Variants in GRID2 observed in about 807,000 individuals in gnomAD.
GRID2 encodes the protein glutamate receptor ionotropic, delta-2.
In GRID2, 33 loss-of-function variants were observed where a neutral mutation model predicts 114.8. That is an observed-to-expected ratio of 0.29 (90% confidence interval 0.22 to 0.38). GRID2 has a LOEUF of 0.38. GRID2 is among the 10% of genes least tolerant of loss of function. GRID2 has a pLI of 1.00. For missense variants in GRID2, 1,184 were observed against 1,257.7 expected (o/e 0.94, Z 0.89); for synonymous variants, 505 against 449.9 (o/e 1.12, Z -1.55).
At chr4:92,519,858 G>T (rs113089192) in intron 1 of GRID2, among the ~76,000 whole-genome samples, 51 of 151,838 alleles carry the variant, frequency 3.4e-4, no homozygotes, top group African/African-American at 1.2e-3. Flanking sequence ...ATAGAGTCTA[G>T]GCAGAAAAAG....
chr4:92,314,343 T>C (rs1725858291), intron 1 of GRID2, among the ~76,000 whole-genome samples: 1 of 152,146 alleles, frequency 6.6e-6, no homozygotes, highest in South Asian at 2.1e-4. Flanking sequence ...ACACACAATA[T>C]TTCTATTCTG....
intron 4 of GRID2, among the ~76,000 whole-genome samples, chr4:93,173,059 G>A (rs898201388): frequency 1.3e-5 from 2 of 151,842 alleles, no homozygotes; most frequent in Non-Finnish European, 2.9e-5. Flanking sequence ...TTATTTCATT[G>A]GCTATATTGA....
chr4:92,507,840 A>G (rs1033365263), intron 1 of GRID2, among the ~76,000 whole-genome samples: 1 of 151,934 alleles, frequency 6.6e-6, no homozygotes, highest in Non-Finnish European at 1.5e-5. Flanking sequence ...AGTATGTGCT[A>G]AATTCACACA....
At chr4:93,022,615 A>C (rs1389004038) in intron 2 of GRID2, among the ~76,000 whole-genome samples, 1 of 151,996 alleles carries the variant, frequency 6.6e-6, no homozygotes, top group African/African-American at 2.4e-5. Context: ...TAAAACTTTT[A>C]ATCAAAATGT....
At chr4:92,617,147 G>T (rs1306286337) in intron 2 of GRID2, among the ~76,000 whole-genome samples, 1 of 151,070 alleles carries the variant, frequency 6.6e-6, no homozygotes, top group Admixed American at 6.6e-5. Context: ...TAGTACACAA[G>T]AATTTGTTCC....
chr4:92,602,790 T>C (rs1395548779), intron 2 of GRID2, among the ~76,000 whole-genome samples: 1 of 152,200 alleles, frequency 6.6e-6, no homozygotes, highest in Non-Finnish European at 1.5e-5. Context: ...GACATGATCT[T>C]CTATCTAGAA....
intron 1 of GRID2, among the ~76,000 whole-genome samples, chr4:92,425,797 A>G (rs1387574667): frequency 1.3e-5 from 2 of 152,098 alleles, no homozygotes; most frequent in African/African-American, 4.8e-5. Flanking sequence ...TCATTTAATA[A>G]TTTATGAAAG....
chr4:93,208,637 T>G (rs1195239244), intron 5 of GRID2, among the ~76,000 whole-genome samples: 1 of 152,020 alleles, frequency 6.6e-6, no homozygotes, highest in Non-Finnish European at 1.5e-5. Flanking sequence ...TCAAGTTGTT[T>G]CTCCTACACT....
chr4:93,691,886 TTAAATA>T (rs1726595700), intron 14 of GRID2, among the ~76,000 whole-genome samples: 1 of 151,952 alleles, frequency 6.6e-6, no homozygotes, highest in Non-Finnish European at 1.5e-5. Context: ...ATAAGTATAT[TTAAATA>T]TAAAGTTTTT....
chr4:92,595,504 C>T (rs769271489), intron 2 of GRID2, among the ~76,000 whole-genome samples: 4 of 151,914 alleles, frequency 2.6e-5, no homozygotes, highest in East Asian at 1.9e-4. Context: ...GTAGACCTTA[C>T]GACTACTTCT....
intron 1 of GRID2, among the ~76,000 whole-genome samples, chr4:93,800,595 C>T (rs1274047397): frequency 6.6e-6 from 1 of 152,112 alleles, no homozygotes; most frequent in Non-Finnish European, 1.5e-5. Flanking sequence ...TAATGGGTAT[C>T]ATGAATCCTT....
At chr4:92,959,713 G>A (rs559874560) in intron 2 of GRID2, among the ~76,000 whole-genome samples, 114 of 152,194 alleles carry the variant, frequency 7.5e-4, no homozygotes, top group African/African-American at 2.7e-3. Context: ...CAGGGACATG[G>A]ATGAAGCTGG....
At chr4:92,909,993 G>A (rs764019833) in intron 2 of GRID2, among the ~76,000 whole-genome samples, 5 of 152,058 alleles carry the variant, frequency 3.3e-5, no homozygotes, top group Non-Finnish European at 7.4e-5. Context: ...AGAAGTTGTG[G>A]TATTTTAGGA....
At chr4:92,643,816 A>G (rs1376884281) in intron 2 of GRID2, among the ~76,000 whole-genome samples, 1 of 151,718 alleles carries the variant, frequency 6.6e-6, no homozygotes, top group Non-Finnish European at 1.5e-5. Flanking sequence ...TTCAGAAGAT[A>G]TTTTACATTT....
At chr4:93,604,134 C>A (rs905390424) in intron 13 of GRID2, among the ~76,000 whole-genome samples, 2 of 152,142 alleles carry the variant, frequency 1.3e-5, no homozygotes, top group Non-Finnish European at 2.9e-5. Context: ...AAATTGAAAA[C>A]CTTCTGGAAA....
chr4:92,424,444 T>G (rs985901757), intron 1 of GRID2, among the ~76,000 whole-genome samples: 9 of 152,044 alleles, frequency 5.9e-5, no homozygotes, highest in Admixed American at 2.0e-4. Flanking sequence ...AAATTGGATT[T>G]TTAAATTAAG....
At chr4:93,390,534 A>G (rs1458703127) in intron 8 of GRID2, among the ~76,000 whole-genome samples, 1 of 152,172 alleles carries the variant, frequency 6.6e-6, no homozygotes, top group Non-Finnish European at 1.5e-5. Context: ...ACTGAAACCC[A>G]ACAGCACACG....
chr4:92,440,459 A>G (rs190981204), intron 1 of GRID2, among the ~76,000 whole-genome samples: 1,693 of 150,712 alleles, frequency 0.011, 14 homozygotes, highest in Non-Finnish European at 0.017. Flanking sequence ...TATCTGACTC[A>G]GGGCATGTTG....
intron 2 of GRID2, among the ~76,000 whole-genome samples, chr4:92,887,843 G>A (rs1325331437): frequency 6.6e-6 from 1 of 152,124 alleles, no homozygotes; most frequent in Non-Finnish European, 1.5e-5. Flanking sequence ...GCTGAACTGT[G>A]CATTTTCAAA....
Sources: allele counts gnomAD v4.1 joint callset (sites outside exome capture counted in the v4.1 genomes callset), GRCh38; gene constraint gnomAD v4.1.1; transcripts MANE v1.5; gene names NCBI Gene and HGNC (gene_info 2026-07-23, HGNC 2026-07-21).